The following NOL11 variants were observed in gnomAD, a reference collection of about 807,000 sequenced individuals.
NOL11 encodes nucleolar protein 11.
In NOL11, 42 loss-of-function variants were observed where a neutral mutation model predicts 93.0. That is an observed-to-expected ratio of 0.45 (90% CI 0.35 to 0.58). The LOEUF is 0.58. Ranked by LOEUF, NOL11 falls within the 20% of genes least tolerant of loss-of-function variation. The probability of loss-of-function intolerance (pLI) is 0.00; values close to 1 mark genes in which losing one functional copy is unlikely to be tolerated. For missense variants in NOL11, 775 were observed against 841.8 expected (o/e 0.92, Z 0.98); for synonymous variants, 296 against 293.7 (o/e 1.01, Z -0.08).
At chr17:67,726,192 C>T (rs976590855) in intron 6 of NOL11, among the ~76,000 whole-genome samples, 2 of 152,052 alleles carry the variant, frequency 1.3e-5, no homozygotes, top group Non-Finnish European at 2.9e-5. Flanking sequence ...CTTGGGAGTC[C>T]CCCTCAATAT....
In NOL11 at chr17:67,738,356, G is replaced by T. The variant is rs2055223661; in HGVS notation, c.1763+1G>T. The T allele has an allele frequency of 6.3e-7, 1 of 1,591,794 alleles. No homozygotes were observed. Among genetic ancestry groups the T allele is most frequent in the South Asian group, 1.1e-5 (1 of 90,114 alleles). On this transcript the variant is annotated splice_donor_variant, in intron 14 of 17. Coordinates refer to ENST00000253247, the MANE Select transcript of NOL11 (RefSeq NM_015462.5). LOFTEE classifies it high-confidence loss of function. ...TGGTACAAAAAAGAGCAGCTCTACTGTATCCTTTGACATAGAGCATCCCTC... is the reference window on the plus strand; with the variant it reads ...TGGTACAAAAAAGAGCAGCTCTACTTTATCCTTTGACATAGAGCATCCCTC...
chr17:67,727,253 A>G (rs911192615), intron 7 of NOL11, among the ~76,000 whole-genome samples: 3 of 152,074 alleles, frequency 2.0e-5, no homozygotes, highest in African/African-American at 7.2e-5. Context: ...ACCTTTTCCA[A>G]CCTTTTCTCC....
At chr17:67,736,171 C>T in intron 9 of NOL11, 148 bp downstream of exon 9, 1 of 704,688 alleles carries the variant, frequency 1.4e-6, no homozygotes, top group Non-Finnish European at 2.2e-6. Flanking sequence ...ACAGGCCAGG[C>T]ACGGTGTCTC....
chr17:67,718,816 T>C (rs1470226498), intron 1 of NOL11, among the ~76,000 whole-genome samples: 1 of 152,244 alleles, frequency 6.6e-6, no homozygotes, highest in African/African-American at 2.4e-5. Context: ...AACAGGTTGC[T>C]AACAGCTCCC....
chr17:67,737,429 A>G (rs2055212333), intron 11 of NOL11, 79 bp from the exon 12 acceptor site: 26 of 1,187,704 alleles, frequency 2.2e-5, no homozygotes, highest in Non-Finnish European at 1.2e-6. Flanking sequence ...ATTTGAGAAA[A>G]TGTTGTGCTA....
At chr17:67,729,801 G>C (rs192114963) in intron 7 of NOL11, among the ~76,000 whole-genome samples, 17 of 149,844 alleles carry the variant, frequency 1.1e-4, no homozygotes, top group Non-Finnish European at 2.2e-4. Context: ...GGATGGTCTC[G>C]ATCCCCTGAC....
chr17:67,743,324 A>T (rs1407407783), intron 16 of NOL11, 155 bp from the exon 17 acceptor site: 1 of 447,176 alleles, frequency 2.2e-6, no homozygotes, highest in Non-Finnish European at 4.0e-6. Flanking sequence ...GCCTTTTTAT[A>T]TTTCGTAGAA....
At chr17:67,728,219 C>T (rs189084778) in intron 7 of NOL11, among the ~76,000 whole-genome samples, 50 of 152,280 alleles carry the variant, frequency 3.3e-4, no homozygotes, top group African/African-American at 1.0e-3. Flanking sequence ...GAGATCACAC[C>T]ACTGCACTCC....
intron 7 of NOL11, among the ~76,000 whole-genome samples, chr17:67,733,181 T>A (rs192067155): frequency 1.3e-5 from 2 of 151,664 alleles, no homozygotes. Flanking sequence ...CTGGCCATCA[T>A]GGTGAAACCC....
intron 8 of NOL11, 40 bp from the exon 9 acceptor site, chr17:67,735,860 G>A: frequency 6.4e-7 from 1 of 1,573,260 alleles, no homozygotes; most frequent in Non-Finnish European, 8.7e-7. Context: ...CCTTAGAAGA[G>A]AAAAAAATTT....
chr17:67,736,618 AAAGT>A, intron 9 of NOL11, 44 bp from the exon 10 acceptor site: 2 of 1,281,162 alleles, frequency 1.6e-6, no homozygotes, highest in South Asian at 1.3e-5. Context: ...AGTTGGGCAA[AAAGT>A]AAGTCAAAAC....
intron 9 of NOL11, among the ~76,000 whole-genome samples, chr17:67,736,226 G>A (rs1290333578): frequency 6.6e-6 from 1 of 151,686 alleles, no homozygotes; most frequent in Non-Finnish European, 1.5e-5. Flanking sequence ...CGGGAGGATA[G>A]CTTGAGCCCG....
chr17:67,737,515 C>G lies in NOL11; in HGVS notation c.1226C>G (p.Ser409Ter). Residue 409 changes from serine to a stop codon, truncating the protein, a stop_gained, in exon 12 of 18, where the codon TCA becomes TGA. Coordinates refer to ENST00000253247, the MANE Select transcript of NOL11 (RefSeq NM_015462.5). LOFTEE classifies it high-confidence loss of function. ...TTAATTCTGCGCTTTCAGAAAGATT[C>G]AGAAAAACACATTGAAGTAGAAGTA... ...KQLLSTIMKD[S>*]EKHIEVEVRK... 1 of 1,599,102 alleles carries G rather than the reference C, an allele frequency of 6.3e-7. No homozygotes were observed. Among genetic ancestry groups the G allele is most frequent in the Non-Finnish European group, 8.5e-7 (1 of 1,175,366 alleles).
At chr17:67,730,419 C>G (rs1381001663) in intron 7 of NOL11, among the ~76,000 whole-genome samples, 1 of 152,146 alleles carries the variant, frequency 6.6e-6, no homozygotes, top group African/African-American at 2.4e-5. Flanking sequence ...TGCCACCACA[C>G]CCGGCTAATT....
Position 67,724,088 on chromosome 17 carries a change from C to G in NOL11, c.559C>G (p.Arg187Gly), listed in dbSNP as rs751845847. 4.6e-5 allele frequency: 72 copies of G among 1,578,076 alleles called. 1 individual carries two copies. In the South Asian group the frequency reaches 6.7e-4, roughly 15 times the overall value. Residue 187 changes from arginine (R) to glycine (G), a missense_variant, in exon 6 of 18, where the codon CGT becomes GGT. Arg to Gly is a moderately radical substitution (Grantham distance 125). This residue lies in a region of NOL11 where 359 missense variants were observed against 316.5 expected (regional missense o/e 1.13). Transcript: ENST00000253247. The stretch of plus-strand genomic sequence containing the variant: ...TGCTTACGTGCAAATGTTTAACTCA[C>G]GTATCTTAACCAAATATACACTCTT... ...YFAYVQMFNS[R>G]ILTKYTLLLG...
rs2043203045 is a variant in NOL11 at position 67,719,715 on chromosome 17, A to G, written c.183A>G (p.Gln61=). ...QKPLGSWSVK[Q]GQIITCPAVC... ...CCTTGGGGAGCTGGTCAGTGAAACAAGGTCAAATTATAACATGTCCAGCTG... is the reference window on the plus strand; with the variant it reads ...CCTTGGGGAGCTGGTCAGTGAAACAGGGTCAAATTATAACATGTCCAGCTG... The change falls in exon 2 of 18, where the codon CAA becomes CAG. Residue 61 remains glutamine (Q), a synonymous_variant. Coordinates refer to ENST00000253247, the MANE Select transcript of NOL11 (RefSeq NM_015462.5). 1 of 1,610,068 alleles carries G rather than the reference A, an allele frequency of 6.2e-7. No homozygotes were observed. The highest frequency in any genetic ancestry group is 1.3e-5 in the African/African-American group (1 of 74,844).
intron 6 of NOL11, among the ~76,000 whole-genome samples, chr17:67,725,058 C>G (rs1357961013): frequency 3.9e-5 from 6 of 151,996 alleles, no homozygotes; most frequent in Non-Finnish European, 8.8e-5. Flanking sequence ...ACTCGAGACT[C>G]GTCTCAACAA....
At chr17:67,736,579 G>GT (rs746602610) in intron 9 of NOL11, 87 bp from the exon 10 acceptor site, 138 of 809,954 alleles carry the variant, frequency 1.7e-4, no homozygotes, top group Non-Finnish European at 2.4e-4. Context: ...TGTATGAGTG[G>GT]TTTTTTTTAA....
intron 2 of NOL11, 25 bp from the exon 3 acceptor site, chr17:67,719,881 T>C: frequency 1.9e-6 from 3 of 1,547,234 alleles, no homozygotes; most frequent in Non-Finnish European, 2.6e-6. Flanking sequence ...TAGGATAGTT[T>C]TTAACTAGTA....
Sources: allele counts gnomAD v4.1 joint callset (sites outside exome capture counted in the v4.1 genomes callset), GRCh38; gene constraint gnomAD v4.1.1; regional missense constraint gnomAD v4.1.1; transcripts MANE v1.5; gene names NCBI Gene and HGNC (gene_info 2026-07-23, HGNC 2026-07-21).